The following TAF3 variants were observed in gnomAD, a reference collection of about 807,000 sequenced individuals.
The protein encoded by TAF3 is TATA-box binding protein associated factor 3.
TAF3 carries 7 observed loss-of-function variants against 80.6 expected under a neutral mutation model. The observed-to-expected ratio is 0.09, with a 90% confidence interval of 0.05 to 0.16. The LOEUF (loss-of-function observed/expected upper bound fraction) is 0.16. Among genes scored for constraint, TAF3 ranks in the 10% least tolerant of loss-of-function variants. The pLI, the probability that TAF3 is intolerant of heterozygous loss-of-function variation, is 1.00. For missense variants in TAF3, 921 were observed against 1,140.2 expected (o/e 0.81, Z 2.77); for synonymous variants, 444 against 446.1 (o/e 1.00, Z 0.06).
chr10:7,826,397 A>C (rs778498272), intron 2 of TAF3, among the ~76,000 whole-genome samples: 2 of 152,254 alleles, frequency 1.3e-5, no homozygotes, highest in Non-Finnish European at 2.9e-5. Context: ...CTAAGATAAC[A>C]GGTTTAGATT....
intron 2 of TAF3, among the ~76,000 whole-genome samples, chr10:7,873,497 T>C (rs1175958969): frequency 6.6e-6 from 1 of 152,230 alleles, no homozygotes; most frequent in Non-Finnish European, 1.5e-5. Context: ...ATATCTTTTA[T>C]GCATTAGTCA....
In TAF3 at chr10:7,981,378, C is replaced by T. The variant is rs141373321; in HGVS notation, c.2315+4055C>T. Among the ~76,000 whole-genome samples, 48 of 152,260 alleles carry T rather than the reference C, an allele frequency of 3.2e-4. 1 individual carries two copies. The East Asian group carries it at 8.5e-3, about 27-fold the overall frequency. ...GCACTCCTGCCTTTATCAGCAAGCA[C>T]CAGAGAAGGGGTGACTGGTTGGGCC... On this transcript the variant is annotated intron_variant, in intron 4 of 6. Coordinates refer to ENST00000344293, the MANE Select transcript of TAF3 (RefSeq NM_031923.4).
At chr10:7,953,164 C>T (rs529984410) in intron 2 of TAF3, among the ~76,000 whole-genome samples, 9 of 152,156 alleles carry the variant, frequency 5.9e-5, no homozygotes, top group Non-Finnish European at 8.8e-5. Context: ...CATTCCATCA[C>T]GTTGTTTCAC....
At chr10:7,869,482 T>G (rs1837245448) in intron 2 of TAF3, among the ~76,000 whole-genome samples, 1 of 152,240 alleles carries the variant, frequency 6.6e-6, no homozygotes, top group South Asian at 2.1e-4. Flanking sequence ...AGCATAGTGT[T>G]GCATTACCTG....
chr10:7,917,506 A>G (rs550446322), intron 2 of TAF3, among the ~76,000 whole-genome samples: 14 of 152,352 alleles, frequency 9.2e-5, no homozygotes, highest in Non-Finnish European at 1.6e-4. Flanking sequence ...GCCAGTTCCT[A>G]TGGGGCCTTA....
chr10:7,964,109 C>G lies in TAF3; in HGVS notation c.599C>G (p.Thr200Ser), dbSNP rs1375300747. 2.5e-6 allele frequency: 4 copies of G among 1,613,928 alleles called. No homozygotes were observed. The highest frequency in any genetic ancestry group is 2.7e-5 in the African/African-American group (2 of 74,890). ...ATGAAGCGGCCTCGGCTATTAAGCA[C>G]TAAAGGGGACACGCTAGATGTTGTG... ...PAMKRPRLLS[T>S]KGDTLDVVLL... Residue 200 changes from threonine to serine, a missense_variant, in exon 3 of 7, where the codon ACT becomes AGT. Around this residue, in one of 6 missense-constraint regions of TAF3, gnomAD observed 743 missense variants for 821.0 expected, o/e 0.90. Coordinates refer to ENST00000344293, the MANE Select transcript of TAF3 (RefSeq NM_031923.4). This position sits in a 1 kb window ranked among gnomAD's most constrained non-coding sequence, Gnocchi z 4.1.
At chr10:7,867,438 G>T (rs143696343) in intron 2 of TAF3, among the ~76,000 whole-genome samples, 93 of 152,238 alleles carry the variant, frequency 6.1e-4, no homozygotes, top group African/African-American at 2.1e-3. Flanking sequence ...ATTACAGCTC[G>T]CAAATATTTC....
chr10:7,997,161 C>T (rs925815061), intron 4 of TAF3, among the ~76,000 whole-genome samples: 1 of 152,160 alleles, frequency 6.6e-6, no homozygotes, highest in Non-Finnish European at 1.5e-5. Context: ...ACTTCCTGTT[C>T]AAAAGTTTCT....
chr10:8,009,278 G>A lies in TAF3; in HGVS notation c.2516G>A (p.Ser839Asn), dbSNP rs1832029436. ...CCGGGTCCCGCCGCCTCCGGGGCCA[G>A]TGCCAAAGCCCCCGTGCGCAGCGTG... ...PSPGPAASGA[S>N]AKAPVRSVVT... Residue 839 changes from serine (S) to asparagine (N), a missense_variant, in exon 5 of 7, where the codon AGT (serine) becomes AAT (asparagine). Transcript: ENST00000344293. This position sits in a 1 kb window ranked among gnomAD's most constrained non-coding sequence, Gnocchi z 4.1. 12 of 1,580,882 alleles carry A rather than the reference G, an allele frequency of 7.6e-6. No homozygotes were observed. Among genetic ancestry groups the A allele is most frequent in the Non-Finnish European group, 1.0e-5 (12 of 1,166,376 alleles).
intron 2 of TAF3, among the ~76,000 whole-genome samples, chr10:7,864,484 A>G (rs1305134381): frequency 1.3e-5 from 2 of 152,200 alleles, no homozygotes; most frequent in African/African-American, 4.8e-5. Flanking sequence ...ACTACAGTAT[A>G]TTATTCTTAA....
chr10:7,945,498 TCTTCC>T (rs1272826842), intron 2 of TAF3, among the ~76,000 whole-genome samples: 2 of 152,222 alleles, frequency 1.3e-5, no homozygotes, highest in African/African-American at 4.8e-5. Flanking sequence ...TTCCTTGGTA[TCTTCC>T]CTTCTTCTAG....
At chr10:7,926,572 C>T (rs1837816972) in intron 2 of TAF3, among the ~76,000 whole-genome samples, 1 of 152,274 alleles carries the variant, frequency 6.6e-6, no homozygotes, top group East Asian at 1.9e-4. Context: ...CTGCTTCTTC[C>T]ATGAGTTATT....
chr10:7,937,616 T>C (rs919700770), intron 2 of TAF3, among the ~76,000 whole-genome samples: 1 of 152,242 alleles, frequency 6.6e-6, no homozygotes, highest in Non-Finnish European at 1.5e-5. Flanking sequence ...CTTGTAAATA[T>C]ATTTTTCTCA....
rs752759956 is a variant in TAF3 at position 7,964,075 on chromosome 10, C to G, written c.565C>G (p.Leu189Val). Reference protein sequence around the residue: ...RPLDSPEAEELPAMKRPRLLS... With the variant: ...RPLDSPEAEEVPAMKRPRLLS... Reference sequence around the variant, plus strand: ...ACTGGATAGTCCTGAAGCTGAAGAACTGCCAGCCATGAAGCGGCCTCGGCT... The same window carrying G: ...ACTGGATAGTCCTGAAGCTGAAGAAGTGCCAGCCATGAAGCGGCCTCGGCT... The change falls in exon 3 of 7, where the codon CTG becomes GTG. Residue 189 changes from leucine to valine, a missense_variant. Physicochemically the swap from Leu to Val is conservative, Grantham distance 32. This residue lies in a region of TAF3 where 743 missense variants were observed against 821.0 expected (regional missense o/e 0.90). Coordinates refer to ENST00000344293, the MANE Select transcript of TAF3 (RefSeq NM_031923.4). The surrounding 1 kb of genome is among the most constrained non-coding windows in gnomAD (Gnocchi z 4.1). 3 of 1,613,994 alleles carry G rather than the reference C, an allele frequency of 1.9e-6. No homozygotes were observed. In the African/African-American group the frequency reaches 4.0e-5, roughly 22 times the overall value.
intron 4 of TAF3, among the ~76,000 whole-genome samples, chr10:8,006,202 AC>A (rs1831991061): frequency 6.6e-6 from 1 of 151,086 alleles, no homozygotes; most frequent in Non-Finnish European, 1.5e-5. Flanking sequence ...ACACACACAC[AC>A]ACACACACAC....
intron 2 of TAF3, among the ~76,000 whole-genome samples, chr10:7,920,825 T>A (rs1837756232): frequency 1.3e-5 from 2 of 152,236 alleles, no homozygotes; most frequent in Admixed American, 1.3e-4. Flanking sequence ...ATAGAATTTT[T>A]GTCAATTTAG....
chr10:7,935,898 C>T (rs1355555656), intron 2 of TAF3, among the ~76,000 whole-genome samples: 2 of 152,028 alleles, frequency 1.3e-5, no homozygotes, highest in African/African-American at 2.4e-5. Flanking sequence ...ACGAGGGCTT[C>T]AGGTAGGATT....
At chr10:7,927,973 C>CT (rs35345431) in intron 2 of TAF3, among the ~76,000 whole-genome samples, 36 of 150,730 alleles carry the variant, frequency 2.4e-4, no homozygotes, top group African/African-American at 5.4e-4. Context: ...TGCTCCCCCA[C>CT]TTTTTTTTTT....
At chr10:7,848,402 T>A (rs143723634) in intron 2 of TAF3, among the ~76,000 whole-genome samples, 2 of 152,186 alleles carry the variant, frequency 1.3e-5, no homozygotes, top group Non-Finnish European at 2.9e-5. Context: ...CCTTTTTCAT[T>A]TCCTTTCATG....
Sources: allele counts gnomAD v4.1 joint callset (sites outside exome capture counted in the v4.1 genomes callset), GRCh38; gene constraint gnomAD v4.1.1; regional missense constraint gnomAD v4.1.1; non-coding constraint Gnocchi (gnomAD v3.1); transcripts MANE v1.5; gene names NCBI Gene and HGNC (gene_info 2026-07-23, HGNC 2026-07-21).